The following PHF21A variants were observed in gnomAD, a reference collection of about 807,000 sequenced individuals.
PHF21A encodes the protein BHC80a.
PHF21A carries 11 observed loss-of-function variants against 82.5 expected under a neutral mutation model. That is an observed-to-expected ratio of 0.13 (90% CI 0.08 to 0.22). PHF21A has a LOEUF of 0.22. PHF21A is among the 10% of genes least tolerant of loss of function. The pLI, the probability that PHF21A is intolerant of heterozygous loss-of-function variation, is 1.00. For missense variants in PHF21A, 579 were observed against 837.8 expected, an observed-to-expected ratio of 0.69 and a Z score of 3.81; for synonymous variants, 297 against 302.8, an observed-to-expected ratio of 0.98 and a Z score of 0.20.
chr11:45,932,778 C>T lies in PHF21A; in HGVS notation c.*1190G>A, dbSNP rs970727635. 2.6e-5 allele frequency: 4 copies of T among 152,484 alleles called. No homozygotes were observed. The highest frequency in any genetic ancestry group is 7.2e-5 in the African/African-American group (3 of 41,392). 9.4% of individuals were successfully genotyped at this position (152,484 alleles called of 1,614,324 possible). ...CTTGCATAAAAAAACAGTGCCCGAA[C>T]GATGACACAAGGACTCACAAAGACT... is the stretch of plus-strand genomic sequence containing the variant. On this transcript the variant is annotated 3_prime_UTR_variant, in exon 19 of 19. Coordinates refer to ENST00000676320, the MANE Select transcript of PHF21A (RefSeq NM_001352027.3). This position sits in a 1 kb window ranked among gnomAD's most constrained non-coding sequence, Gnocchi z 4.3.
At chr11:46,115,836 T>C (rs559655574) in intron 1 of PHF21A, among the ~76,000 whole-genome samples, 1 of 152,152 alleles carries the variant, frequency 6.6e-6, no homozygotes, top group Admixed American at 6.5e-5. Context: ...ATACAAAATT[T>C]AAAAGCACAT....
intron 6 of PHF21A, among the ~76,000 whole-genome samples, chr11:46,034,085 T>C (rs1413607850): frequency 6.6e-6 from 1 of 152,180 alleles, no homozygotes; most frequent in Admixed American, 6.5e-5. Flanking sequence ...CTCACTGTGG[T>C]TTTAAATCTC....
chr11:45,967,441 TC>T (rs531493514), intron 9 of PHF21A, among the ~76,000 whole-genome samples: 1 of 152,102 alleles, frequency 6.6e-6, no homozygotes, highest in Non-Finnish European at 1.5e-5. Context: ...GATTTGGGCT[TC>T]CCTAAGTGGG....
intron 6 of PHF21A, among the ~76,000 whole-genome samples, chr11:45,995,780 T>A (rs988111558): frequency 3.3e-5 from 5 of 152,184 alleles, no homozygotes; most frequent in African/African-American, 1.2e-4. Flanking sequence ...CAATTATACA[T>A]GTGTAGACAA....
intron 6 of PHF21A, among the ~76,000 whole-genome samples, chr11:46,059,644 CA>C (rs202187902): frequency 0.019 from 2,966 of 152,208 alleles, 45 homozygotes; most frequent in Middle Eastern, 0.075. Context: ...AGGTTGGTCT[CA>C]AACTGGCCTC....
chr11:46,101,777 A>G lies in PHF21A; in HGVS notation c.-236-9554T>C, dbSNP rs138989186. On this transcript the variant is annotated intron_variant, in intron 1 of 18. Transcript: ENST00000676320. ...CAGCCTCCCTAATAGCTGGGACTACAGGCACATGCCACCACACTCGGCTAA... is the reference window on the plus strand; with the variant it reads ...CAGCCTCCCTAATAGCTGGGACTACGGGCACATGCCACCACACTCGGCTAA... Among the ~76,000 whole-genome samples the G allele has an allele frequency of 2.0e-3, 303 of 151,696 alleles. 1 individual carries two copies. The highest frequency in any genetic ancestry group is 6.8e-3 in the African/African-American group (283 of 41,346).
At chr11:46,074,186 C>G (rs2096693725) in intron 6 of PHF21A, among the ~76,000 whole-genome samples, 1 of 149,796 alleles carries the variant, frequency 6.7e-6, no homozygotes, top group African/African-American at 2.5e-5. Flanking sequence ...ATATATGAGT[C>G]CATTATTTGT....
intron 6 of PHF21A, among the ~76,000 whole-genome samples, chr11:45,991,183 GTTC>G (rs925211812): frequency 1.3e-5 from 2 of 152,042 alleles, no homozygotes; most frequent in South Asian, 2.1e-4. Flanking sequence ...AGCATGTAAG[GTTC>G]TTCTATGTTT....
chr11:46,058,206 A>G (rs117335563), intron 6 of PHF21A, among the ~76,000 whole-genome samples: 4,135 of 152,312 alleles, frequency 0.027, 58 homozygotes, highest in South Asian at 0.069. Context: ...AACTGCTAAT[A>G]TTCTTAGATG....
chr11:45,981,928 CTTTTTGTTTTTCT>C, intron 6 of PHF21A, among the ~76,000 whole-genome samples: 1 of 99,512 alleles, frequency 1.0e-5, no homozygotes, highest in Middle Eastern at 5.7e-3. Context: ...TTGTTTCTCT[CTTTTTGTTTTTCT>C]TTTTTTTTTT....
At chr11:45,993,346 C>T (rs1035463067) in intron 6 of PHF21A, among the ~76,000 whole-genome samples, 16 of 151,976 alleles carry the variant, frequency 1.1e-4, no homozygotes, top group Admixed American at 9.8e-4. Context: ...AATTTTGAAA[C>T]CCTCTTATCA....
intron 6 of PHF21A, among the ~76,000 whole-genome samples, chr11:46,038,683 C>T (rs1224410370): frequency 4.6e-5 from 7 of 152,104 alleles, no homozygotes; most frequent in Non-Finnish European, 1.0e-4. Context: ...TCTGCAAAGT[C>T]CCAAGGCAGC....
chr11:45,963,516 A>T (rs2135879411), intron 10 of PHF21A, among the ~76,000 whole-genome samples: 1 of 152,260 alleles, frequency 6.6e-6, no homozygotes, highest in Admixed American at 6.5e-5. Flanking sequence ...ATTATGATAA[A>T]AGTTTACTCT....
intron 6 of PHF21A, among the ~76,000 whole-genome samples, chr11:46,055,218 T>A (rs2096434817): frequency 6.6e-6 from 1 of 152,184 alleles, no homozygotes; most frequent in Admixed American, 6.5e-5. Flanking sequence ...CTTACCCAAA[T>A]ATAACAAAGC....
At chr11:45,972,822 G>A (rs902451189) in intron 7 of PHF21A, among the ~76,000 whole-genome samples, 2 of 152,204 alleles carry the variant, frequency 1.3e-5, no homozygotes, top group Non-Finnish European at 2.9e-5. Flanking sequence ...GCTGAGGCAA[G>A]AGAATTGCTT....
At chr11:46,030,925 T>C (rs2095855647) in intron 6 of PHF21A, among the ~76,000 whole-genome samples, 1 of 151,578 alleles carries the variant, frequency 6.6e-6, no homozygotes, top group African/African-American at 2.4e-5. Flanking sequence ...ACCAGAGAAA[T>C]TGCTGATTTT....
chr11:46,063,916 A>G (rs1379198264), intron 6 of PHF21A, among the ~76,000 whole-genome samples: 1 of 152,194 alleles, frequency 6.6e-6, no homozygotes, highest in East Asian at 1.9e-4. Context: ...TGGTGGATTA[A>G]CTCAAAATCT....
At chr11:46,060,008 G>A (rs760296152) in intron 6 of PHF21A, among the ~76,000 whole-genome samples, 78 of 152,060 alleles carry the variant, frequency 5.1e-4, no homozygotes, top group South Asian at 6.2e-4. Flanking sequence ...CCTCCAAAGC[G>A]CTGGGATTAC....
At position 45,953,581 on chromosome 11, in the gene PHF21A, G is replaced by A. The variant is rs769985624; in HGVS notation, c.1041C>T (p.Ser347=). The A allele has an allele frequency of 9.9e-6, 16 of 1,613,846 alleles. No homozygotes were observed. Among genetic ancestry groups the A allele is most frequent in the Non-Finnish European group, 1.4e-5 (16 of 1,179,778 alleles). The change falls in exon 11 of 19, where the codon AGC becomes AGT. Residue 347 remains serine, a synonymous_variant. Transcript: ENST00000676320. ...HTETDEKQTE[S]RTITPPAAPK... is the part of the protein sequence containing the mutation. ...GTGCAGCAGGTGGGGTGATGGTGCG[G>A]CTCTCTGTTTGTTTCTCATCTGTTT... is the stretch of plus-strand genomic sequence containing the variant.
Sources: allele counts gnomAD v4.1 joint callset (sites outside exome capture counted in the v4.1 genomes callset), GRCh38; gene constraint gnomAD v4.1.1; non-coding constraint Gnocchi (gnomAD v3.1); transcripts MANE v1.5; gene names NCBI Gene and HGNC (gene_info 2026-07-23, HGNC 2026-07-21).